Variants in ADCY8 observed in about 807,000 individuals in gnomAD.
ADCY8 encodes the protein adenylate cyclase 8, also known as adenylate cyclase type 8.
A neutral mutation model predicts 119.7 loss-of-function variants in ADCY8; 51 were observed. That is an observed-to-expected ratio of 0.43 (90% CI 0.34 to 0.54). ADCY8 has a LOEUF of 0.54. Among genes scored for constraint, ADCY8 ranks in the 20% least tolerant of loss-of-function variants. The pLI is 0.03. For missense variants in ADCY8, 1,383 were observed against 1,598.8 expected (o/e 0.87, Z 2.30); for synonymous variants, 665 against 651.0 (o/e 1.02, Z -0.33).
chr8:130,823,014 TGA>T (rs1816567627), intron 12 of ADCY8, among the ~76,000 whole-genome samples: 1 of 152,232 alleles, frequency 6.6e-6, no homozygotes, highest in South Asian at 2.1e-4. Context: ...TTAGTTTGAA[TGA>T]GCATGTCCTG....
chr8:130,933,831 A>G (rs1820704851), intron 5 of ADCY8, among the ~76,000 whole-genome samples: 1 of 152,202 alleles, frequency 6.6e-6, no homozygotes, highest in Admixed American at 6.5e-5. Context: ...CATATCTTTT[A>G]CTTAAGGCTA....
intron 9 of ADCY8, among the ~76,000 whole-genome samples, chr8:130,852,170 G>A (rs1387203305): frequency 6.6e-6 from 1 of 152,180 alleles, no homozygotes; most frequent in East Asian, 1.9e-4. Context: ...GAGTAACCAA[G>A]AATGTCAATT....
chr8:130,907,666 A>C (rs1819833103), intron 6 of ADCY8, among the ~76,000 whole-genome samples: 2 of 152,238 alleles, frequency 1.3e-5, no homozygotes, highest in Non-Finnish European at 2.9e-5. Context: ...ATGATATGAA[A>C]AATAAGGGTG....
chr8:130,830,243 A>G lies in ADCY8; in HGVS notation c.2675+6034T>C, dbSNP rs184597136. Among the ~76,000 whole-genome samples, 374 of 152,326 alleles carry G rather than the reference A, an allele frequency of 2.5e-3. 4 individuals carry two copies. The highest frequency in any genetic ancestry group is 8.4e-3 in the African/African-American group (350 of 41,572). On this transcript the variant is annotated intron_variant, in intron 12 of 17. Transcript: ENST00000286355. ...TCAAGCTGCAGACATAGATGCTGAC[A>G]TTGTGACAATCATGTTCAAAATGGT... is the stretch of plus-strand genomic sequence containing the variant.
intron 9 of ADCY8, among the ~76,000 whole-genome samples, chr8:130,852,287 G>A (rs1391178354): frequency 6.6e-6 from 1 of 152,088 alleles, no homozygotes; most frequent in Non-Finnish European, 1.5e-5. Context: ...GCAAAGTTTT[G>A]ATTTTATGGA....
At chr8:130,999,012 T>C (rs1423799890) in intron 1 of ADCY8, among the ~76,000 whole-genome samples, 1 of 152,166 alleles carries the variant, frequency 6.6e-6, no homozygotes, top group Non-Finnish European at 1.5e-5. Flanking sequence ...CTCTGAGTCA[T>C]GTCAATGACC....
At chr8:130,893,660 GTGTGTGTGT>G (rs1207975287) in intron 7 of ADCY8, among the ~76,000 whole-genome samples, 1 of 14,238 alleles carries the variant, frequency 7.0e-5, no homozygotes, top group Non-Finnish European at 1.7e-4. Flanking sequence ...AGAAGAAGGT[GTGTGTGTGT>G]GTGTGTGTGT....
chr8:130,868,587 G>A (rs996966376), intron 8 of ADCY8, among the ~76,000 whole-genome samples: 4 of 152,184 alleles, frequency 2.6e-5, no homozygotes, highest in Non-Finnish European at 5.9e-5. Context: ...AAAGCTTCTA[G>A]AAGGTCAGCA....
chr8:131,038,997 G>A (rs544251354), intron 1 of ADCY8, among the ~76,000 whole-genome samples: 1 of 152,188 alleles, frequency 6.6e-6, no homozygotes, highest in African/African-American at 2.4e-5. Context: ...CTCCTGAGGA[G>A]AGATGTTAAG....
At chr8:130,863,878 T>C (rs536364580) in intron 9 of ADCY8, among the ~76,000 whole-genome samples, 2 of 152,192 alleles carry the variant, frequency 1.3e-5, no homozygotes, top group Non-Finnish European at 2.9e-5. Context: ...CAATTAAGAT[T>C]AAGATAAAAA....
chr8:130,827,324 ATCTTC>A (rs780887835), intron 12 of ADCY8, among the ~76,000 whole-genome samples: 11 of 152,208 alleles, frequency 7.2e-5, no homozygotes, highest in Non-Finnish European at 1.5e-4. Context: ...TGGTGGCTCC[ATCTTC>A]TCTTCTCTTT....
intron 1 of ADCY8, among the ~76,000 whole-genome samples, chr8:130,997,155 T>C (rs1822802902): frequency 6.6e-6 from 1 of 152,128 alleles, no homozygotes; most frequent in Non-Finnish European, 1.5e-5. Context: ...AAGTAAAATG[T>C]AATATTTTAA....
intron 11 of ADCY8, among the ~76,000 whole-genome samples, chr8:130,837,763 T>C (rs1817033353): frequency 6.6e-6 from 1 of 152,188 alleles, no homozygotes; most frequent in Non-Finnish European, 1.5e-5. Context: ...TTTGTGGCAA[T>C]ATTGTGATCT....
chr8:130,801,130 G>GA (rs1815763968), intron 14 of ADCY8, among the ~76,000 whole-genome samples: 2 of 152,218 alleles, frequency 1.3e-5, no homozygotes, highest in Admixed American at 1.3e-4. Flanking sequence ...TGTGATGACT[G>GA]AAAATTCATG....
intron 1 of ADCY8, among the ~76,000 whole-genome samples, chr8:131,026,443 G>A (rs566173465): frequency 4.6e-5 from 7 of 152,264 alleles, no homozygotes; most frequent in African/African-American, 1.2e-4. Flanking sequence ...AAGCCTGAAT[G>A]TTCAATAATA....
chr8:131,011,160 A>G (rs1312011110), intron 1 of ADCY8, among the ~76,000 whole-genome samples: 1 of 134,680 alleles, frequency 7.4e-6, no homozygotes, highest in African/African-American at 3.1e-5. Flanking sequence ...GTGCATATTA[A>G]AAGTTTATTG....
intron 12 of ADCY8, 70 bp downstream of exon 12, chr8:130,836,207 C>G: frequency 6.7e-7 from 1 of 1,492,096 alleles, no homozygotes; most frequent in Non-Finnish European, 9.1e-7. Context: ...CAGCGGGCAT[C>G]ATTTTCCCAA....
intron 1 of ADCY8, among the ~76,000 whole-genome samples, chr8:130,992,272 G>C (rs1011196504): frequency 2.0e-5 from 3 of 146,916 alleles, no homozygotes; most frequent in Admixed American, 1.4e-4. Flanking sequence ...TAGAGATGGG[G>C]TTTCACCATG....
intron 7 of ADCY8, among the ~76,000 whole-genome samples, chr8:130,896,419 T>A (rs563376390): frequency 6.6e-6 from 1 of 150,444 alleles, no homozygotes; most frequent in Non-Finnish European, 1.5e-5. Context: ...ATTTAAAGAA[T>A]GCATTTTTTT....
Sources: gnomAD v4.1 joint callset for allele counts (sites outside exome capture counted in the v4.1 genomes callset) on GRCh38, gnomAD v4.1.1 for gene constraint, MANE v1.5 for transcripts, NCBI Gene and HGNC (gene_info 2026-07-23, HGNC 2026-07-21) for gene names.